Variants in CRY1 observed in about 807,000 individuals in gnomAD.
CRY1 encodes cryptochrome-1.
Under a neutral mutation model 76.0 loss-of-function variants are expected in CRY1, and 45 were observed. The ratio of observed to expected loss-of-function variants is 0.59; its 90% CI spans 0.47 to 0.76. CRY1 has a LOEUF of 0.76. Among genes scored for constraint, CRY1 ranks in the 30% least tolerant of loss-of-function variants. CRY1 has a pLI of 0.00. For missense variants in CRY1, 587 were observed against 716.4 expected (o/e 0.82, Z 2.06); for synonymous variants, 248 against 244.0 (o/e 1.02, Z -0.15).
At chr12:107,091,569 T>G (rs950007125) in intron 1 of CRY1, among the ~76,000 whole-genome samples, 2 of 152,198 alleles carry the variant, frequency 1.3e-5, no homozygotes, top group South Asian at 2.1e-4. Context: ...TTTTCCAAAC[T>G]TATGTCAGAT....
intron 2 of CRY1, among the ~76,000 whole-genome samples, chr12:107,012,051 ATGGTG>A (rs1192439690): frequency 1.3e-5 from 2 of 152,122 alleles, no homozygotes; most frequent in Non-Finnish European, 2.9e-5. Flanking sequence ...TTAGCCGGGC[ATGGTG>A]GTGCACGCCT....
chr12:107,076,208 T>C (rs1953249796), intron 1 of CRY1, among the ~76,000 whole-genome samples: 1 of 151,934 alleles, frequency 6.6e-6, no homozygotes, highest in African/African-American at 2.4e-5. Flanking sequence ...AAGCCTTACA[T>C]CAAAAACTAT....
At chr12:107,056,928 CAT>C (rs1181168738) in intron 1 of CRY1, among the ~76,000 whole-genome samples, 1 of 151,888 alleles carries the variant, frequency 6.6e-6, no homozygotes, top group Admixed American at 6.6e-5. Context: ...TTAAGACAAA[CAT>C]ATAGACATTT....
chr12:107,002,076 G>A, intron 3 of CRY1, 128 bp from the exon 4 acceptor site: 1 of 703,550 alleles, frequency 1.4e-6, no homozygotes, highest in Non-Finnish European at 2.2e-6. Context: ...GTGTTAGCTT[G>A]TTATAATGAC....
At chr12:107,017,699 A>T (rs932015377) in intron 2 of CRY1, among the ~76,000 whole-genome samples, 1 of 152,236 alleles carries the variant, frequency 6.6e-6, no homozygotes, top group Non-Finnish European at 1.5e-5. Flanking sequence ...CTTGGTTAAA[A>T]ACAAGTTGTA....
intron 1 of CRY1, among the ~76,000 whole-genome samples, chr12:107,047,242 G>T (rs1222534468): frequency 6.6e-6 from 1 of 152,032 alleles, no homozygotes; most frequent in Non-Finnish European, 1.5e-5. Flanking sequence ...TACAAATATA[G>T]GGAAATCAAA....
chr12:107,047,087 G>A (rs1259255900), intron 1 of CRY1, among the ~76,000 whole-genome samples: 1 of 152,130 alleles, frequency 6.6e-6, no homozygotes, highest in African/African-American at 2.4e-5. Context: ...CTTTTCATTG[G>A]CATATGAAAC....
rs11308588 is a variant in CRY1 at position 107,022,845 on chromosome 12, T to TAA, written c.159-655_159-654dup. On this transcript the variant is annotated intron_variant, in intron 1 of 12. Coordinates refer to ENST00000008527, the MANE Select transcript of CRY1 (RefSeq NM_004075.5). ...GTGTAGAAAATGCCAGATTAACTTCTAAAAAAAAAAAAAAAGAAAAGGTTT... is the reference window on the plus strand; with the variant it reads ...GTGTAGAAAATGCCAGATTAACTTCTAAAAAAAAAAAAAAAAAGAAAAGGTTT... Among the ~76,000 whole-genome samples the TAA allele has an allele frequency of 4.9e-3, 637 of 131,010 alleles. 7 individuals carry two copies. The highest frequency in any genetic ancestry group is 0.016 in the African/African-American group (614 of 37,216). The allele number at this position is 131,010 out of a possible 152,430, so 85.9% of individuals were successfully genotyped here. A position where few individuals can be genotyped will look rare whatever the true frequency, so the allele number is the denominator to read the frequency against.
intron 1 of CRY1, among the ~76,000 whole-genome samples, chr12:107,042,123 T>A (rs2136867315): frequency 6.6e-6 from 1 of 152,324 alleles, no homozygotes; most frequent in African/African-American, 2.4e-5. Flanking sequence ...TGTACTTTTA[T>A]AAATGAATGA....
At chr12:107,021,338 T>G (rs1355978771) in intron 2 of CRY1, among the ~76,000 whole-genome samples, 2 of 152,168 alleles carry the variant, frequency 1.3e-5, no homozygotes, top group Admixed American at 1.3e-4. Flanking sequence ...AAATGTCCAT[T>G]GTTACAATCC....
intron 1 of CRY1, among the ~76,000 whole-genome samples, chr12:107,048,129 G>A (rs1171191170): frequency 1.3e-5 from 2 of 150,686 alleles, no homozygotes; most frequent in African/African-American, 4.9e-5. Context: ...CGCCCAGGCT[G>A]GAGTGCAATG....
chr12:107,045,486 T>C (rs964642379), intron 1 of CRY1, among the ~76,000 whole-genome samples: 4 of 152,194 alleles, frequency 2.6e-5, no homozygotes. Context: ...GGCGAAACCC[T>C]GTCTCTACTA....
At position 107,001,890 on chromosome 12, in the gene CRY1, T is replaced by C. The variant is rs376301618; in HGVS notation, c.469A>G (p.Ile157Val). ...PLTYKRFQTL[I>V]SKMEPLEIPV... is the part of the protein sequence containing the mutation. ...ATCTCTAGTGGTTCCATTTTGCTGATGAGAGTCTGGAATCTTTTATAAGTT... is the reference window on the plus strand; with the variant it reads ...ATCTCTAGTGGTTCCATTTTGCTGACGAGAGTCTGGAATCTTTTATAAGTT... The change falls in exon 4 of 13, where the codon ATC (isoleucine) becomes GTC (valine). Residue 157 changes from isoleucine (I) to valine (V), a missense_variant. Physicochemically the swap from Ile to Val is conservative, Grantham distance 29. Transcript: ENST00000008527. The C allele has an allele frequency of 6.2e-7, 1 of 1,601,664 alleles. No individual in the cohort carries two copies. The highest frequency in any genetic ancestry group is 8.5e-7 in the Non-Finnish European group (1 of 1,176,864).
intron 1 of CRY1, among the ~76,000 whole-genome samples, chr12:107,089,798 A>C (rs114746870): frequency 0.012 from 1,885 of 152,308 alleles, 31 homozygotes; most frequent in African/African-American, 0.043. Flanking sequence ...CATAGTCAAT[A>C]AGTAAATTAA....
At chr12:107,092,657 T>C (rs936830961) in intron 1 of CRY1, 147 bp downstream of exon 1, 4 of 1,161,130 alleles carry the variant, frequency 3.4e-6, no homozygotes, top group East Asian at 5.1e-5. Context: ...GTCAATTCTA[T>C]TTAATACTTA....
intron 1 of CRY1, among the ~76,000 whole-genome samples, chr12:107,073,394 T>C (rs888970127): frequency 6.6e-6 from 1 of 152,062 alleles, no homozygotes. Flanking sequence ...CCACTGTGCC[T>C]GGCCTAAAAT....
chr12:107,063,941 TG>T lies in CRY1; in HGVS notation c.158+28862del, dbSNP rs550724805. Among the ~76,000 whole-genome samples, 663 of 152,192 alleles carry T rather than the reference TG, an allele frequency of 4.4e-3. 2 individuals carry two copies. Among genetic ancestry groups the T allele is most frequent in the African/African-American group, 0.015 (634 of 41,546 alleles). On this transcript the variant is annotated intron_variant, in intron 1 of 12. Transcript: ENST00000008527. ...GGGCTCATTATATTCATACTGGGGTTGGGGGGACAGGGGTTTGCAAAATAAA... is the reference window on the plus strand; with the variant it reads ...GGGCTCATTATATTCATACTGGGGTTGGGGGACAGGGGTTTGCAAAATAAA...
intron 1 of CRY1, among the ~76,000 whole-genome samples, chr12:107,023,697 C>A (rs1199978434): frequency 6.6e-6 from 1 of 152,150 alleles, no homozygotes; most frequent in Admixed American, 6.5e-5. Context: ...CACCATTTCA[C>A]CTTAGGAAGT....
intron 1 of CRY1, among the ~76,000 whole-genome samples, chr12:107,076,304 C>T (rs775504923): frequency 3.3e-5 from 5 of 151,834 alleles, no homozygotes; most frequent in East Asian, 3.9e-4. Flanking sequence ...ACATAAGAGA[C>T]GATTTCTTAG....
Sources: allele counts gnomAD v4.1 joint callset (sites outside exome capture counted in the v4.1 genomes callset), GRCh38; gene constraint gnomAD v4.1.1; transcripts MANE v1.5; gene names NCBI Gene and HGNC (gene_info 2026-07-23, HGNC 2026-07-21).